SSC5D: variants seen among roughly 807,000 people sequenced by gnomAD.
The protein encoded by SSC5D is soluble scavenger receptor cysteine-rich domain-containing protein SSC5D.
SSC5D carries 106 observed loss-of-function variants against 104.6 expected under a neutral mutation model. That is an observed-to-expected ratio of 1.01 (90% CI 0.87 to 1.19). The LOEUF (loss-of-function observed/expected upper bound fraction) is 1.19, where lower values mean the gene tolerates loss of function less well. SSC5D is among the 50% of genes most tolerant of loss of function. The pLI is 0.00. For synonymous variants in SSC5D, 860 were observed against 883.5 expected, an observed-to-expected ratio of 0.97 and a Z score of 0.47; for missense variants, 1,993 against 2,153.8, an observed-to-expected ratio of 0.93 and a Z score of 1.48.
chr19:55,489,878 G>A lies in SSC5D; in HGVS notation c.362-4G>A, dbSNP rs566896214. 1.6e-5 allele frequency: 25 copies of A among 1,541,450 alleles called. No individual in the cohort carries two copies. The highest frequency in any genetic ancestry group is 5.0e-5 in the East Asian group (2 of 40,374). Reference sequence around the variant, plus strand: ...TAGCTTCTGTCCCTGCCCCCCCGCCGCAGGTCAGCGTGTGGCTAACTCCAG... The same window carrying A: ...TAGCTTCTGTCCCTGCCCCCCCGCCACAGGTCAGCGTGTGGCTAACTCCAG... On this transcript the variant is annotated splice_region_variant and splice_polypyrimidine_tract_variant and intron_variant, in intron 3 of 13. Transcript: ENST00000389623.
chr19:55,517,427 A>C lies in SSC5D; in HGVS notation c.3151A>C (p.Thr1051Pro), dbSNP rs561487899. Reference sequence around the variant, plus strand: ...TGACGCTCCGGACACTTCACCACCCACCCCAGACCCGGCCTCCCGGACGAA... The same window carrying C: ...TGACGCTCCGGACACTTCACCACCCCCCCCAGACCCGGCCTCCCGGACGAA... ...TSDAPDTSPP[T>P]PDPASRTNPD... is the part of the protein sequence containing the mutation. Residue 1051 changes from threonine to proline, a missense_variant, in exon 14 of 14, where the codon ACC becomes CCC. Transcript: ENST00000389623. 2.8e-5 allele frequency: 44 copies of C among 1,549,418 alleles called. No individual in the cohort carries two copies. The African/African-American group carries it at 5.5e-4, about 19-fold the overall frequency.
chr19:55,498,986 A>T (rs1299465105), intron 9 of SSC5D, among the ~76,000 whole-genome samples: 1 of 152,220 alleles, frequency 6.6e-6, no homozygotes, highest in African/African-American at 2.4e-5. Flanking sequence ...TGCAGACAGC[A>T]CTTCATTATC....
chr19:55,509,525 G>A (rs1987707151), intron 12 of SSC5D, among the ~76,000 whole-genome samples: 1 of 151,656 alleles, frequency 6.6e-6, no homozygotes, highest in African/African-American at 2.4e-5. Flanking sequence ...AGTACGTAGA[G>A]GTTCACAGAA....
At chr19:55,492,047 C>T (rs780722237) in intron 6 of SSC5D, 1 of 152,432 alleles carries the variant, frequency 6.6e-6, no homozygotes, top group Non-Finnish European at 1.5e-5. Context: ...GAGGCTGACC[C>T]TAGTCTCTGC....
rs779745902 is a variant in SSC5D, at chr19:55,490,856, A to C, written c.671A>C (p.Asp224Ala). ...WHGGRWGTVC[D>A]DGWDLRDAAV... Reference sequence around the variant, plus strand: ...GGCGGGCGCTGGGGCACCGTATGTGACGATGGCTGGGACCTGCGCGACGCT... The same window carrying C: ...GGCGGGCGCTGGGGCACCGTATGTGCCGATGGCTGGGACCTGCGCGACGCT... Residue 224 changes from aspartate (D) to alanine (A), a missense_variant, in exon 6 of 14, where the codon GAC becomes GCC. Coordinates refer to ENST00000389623, the MANE Select transcript of SSC5D (RefSeq NM_001144950.2). The C allele has an allele frequency of 3.2e-6, 5 of 1,547,222 alleles. No homozygotes were observed. In the South Asian group the frequency reaches 6.0e-5, roughly 18 times the overall value.
intron 1 of SSC5D, among the ~76,000 whole-genome samples, 192 bp from the exon 2 acceptor site, chr19:55,488,814 G>GC (rs1198695531): frequency 3.5e-4 from 1 of 2,832 alleles, no homozygotes; most frequent in African/African-American, 2.6e-3. Flanking sequence ...CCCCCTGCCC[G>GC]CCCCCCAGCC....
chr19:55,501,061 C>A lies in SSC5D; in HGVS notation c.2645C>A (p.Pro882His), dbSNP rs1309477947. ...TGYTDYDDYP[P>H]WTWDPTSRED... ...TACACAGACTATGACGATTATCCCC[C>A]CTGGACCTGGGACCCCACCTCAAGA... The change falls in exon 12 of 14, where the codon CCC becomes CAC. Residue 882 changes from proline (P) to histidine (H), a missense_variant. Coordinates refer to ENST00000389623, the MANE Select transcript of SSC5D (RefSeq NM_001144950.2). 1.9e-6 allele frequency: 3 copies of A among 1,551,782 alleles called. No homozygotes were observed. In the East Asian group the frequency reaches 7.3e-5, roughly 38 times the overall value.
chr19:55,500,639 G>A lies in SSC5D; in HGVS notation c.2452G>A (p.Val818Ile). ...VACWELGCGK[V>I]RPRVGKTHYG... is the part of the protein sequence containing the mutation. ...CTGCTGGGAACTGGGCTGTGGAAAGGTCCGGCCTCGAGTAGGCAAAACCCA... is the reference window on the plus strand; with the variant it reads ...CTGCTGGGAACTGGGCTGTGGAAAGATCCGGCCTCGAGTAGGCAAAACCCA... The change falls in exon 11 of 14, where the codon GTC becomes ATC. Residue 818 changes from valine to isoleucine, a missense_variant. Val to Ile is a conservative substitution (Grantham distance 29). This residue lies in a region of SSC5D where 70 missense variants were observed against 107.1 expected (regional missense o/e 0.65). Coordinates refer to ENST00000389623, the MANE Select transcript of SSC5D (RefSeq NM_001144950.2). This position sits in a 1 kb window ranked among gnomAD's most constrained non-coding sequence, Gnocchi z 4.6. The A allele has an allele frequency of 6.4e-7, 1 of 1,551,784 alleles. No homozygotes were observed. The highest frequency in any genetic ancestry group is 8.7e-7 in the Non-Finnish European group (1 of 1,147,018).
In SSC5D at chr19:55,501,187, G is replaced by A. The variant is rs575176406; in HGVS notation, c.2771G>A (p.Arg924His). The change falls in exon 12 of 14, where the codon CGC becomes CAC. Residue 924 changes from arginine to histidine, a missense_variant. Coordinates refer to ENST00000389623, the MANE Select transcript of SSC5D (RefSeq NM_001144950.2). ...RPGSSSPAIR[R>H]LPDTGSKDGY... ...GGTAGCTCCTCCCCAGCAATAAGGCGCCTGCCGGACACAGGTGAGAGGCCT... is the reference window on the plus strand; with the variant it reads ...GGTAGCTCCTCCCCAGCAATAAGGCACCTGCCGGACACAGGTGAGAGGCCT... 4.0e-5 allele frequency: 61 copies of A among 1,534,090 alleles called. No homozygotes were observed. Among genetic ancestry groups the A allele is most frequent in the East Asian group, 3.4e-4 (14 of 40,840 alleles).
At chr19:55,507,258 C>T (rs904576792) in intron 12 of SSC5D, among the ~76,000 whole-genome samples, 1 of 147,742 alleles carries the variant, frequency 6.8e-6, no homozygotes, top group Non-Finnish European at 1.5e-5. Context: ...GCAGAAGAAT[C>T]ACTTGGGCCC....
At position 55,513,048 on chromosome 19, in the gene SSC5D, C is replaced by A; in HGVS notation, c.2823C>A (p.Asp941Glu). 2 of 1,551,996 alleles carry A rather than the reference C, an allele frequency of 1.3e-6. No homozygotes were observed. The highest frequency in any genetic ancestry group is 1.2e-5 in the South Asian group (1 of 84,056). ...GTTACAAGCTTCCCTGGACGTGGGACACACCATCAGGAAGGGGCCTGGCTG... is the reference window on the plus strand; with the variant it reads ...GTTACAAGCTTCCCTGGACGTGGGAAACACCATCAGGAAGGGGCCTGGCTG... ...KDGYKLPWTW[D>E]TPSGRGLAEG... Residue 941 changes from aspartate to glutamate, a missense_variant, in exon 13 of 14, where the codon GAC (aspartate) becomes GAA (glutamate). Asp to Glu is a conservative substitution (Grantham distance 45, BLOSUM62 2). This residue lies in a region of SSC5D where 423 missense variants were observed against 409.2 expected (regional missense o/e 1.03). Coordinates refer to ENST00000389623, the MANE Select transcript of SSC5D (RefSeq NM_001144950.2).
intron 12 of SSC5D, among the ~76,000 whole-genome samples, chr19:55,507,184 A>G (rs1013294025): frequency 6.6e-6 from 1 of 151,016 alleles, no homozygotes; most frequent in Admixed American, 6.6e-5. Context: ...ATAAATAAAA[A>G]TAAAATAAAA....
In SSC5D at chr19:55,490,377, C is replaced by A; in HGVS notation, c.555C>A (p.Ala185=). The A allele has an allele frequency of 6.6e-7, 1 of 1,515,330 alleles. No individual in the cohort carries two copies. The highest frequency in any genetic ancestry group is 8.9e-7 in the Non-Finnish European group (1 of 1,120,212). The allele number at this position is 1,515,330 out of a possible 1,614,324, so 93.9% of individuals were successfully genotyped here. Reference sequence around the variant, plus strand: ...CCAAGCAGGCCAAGTCCACCCGGGCCCCTCTGCTGACGACAGGAGCCCCCC... The same window carrying A: ...CCAAGCAGGCCAAGTCCACCCGGGCACCTCTGCTGACGACAGGAGCCCCCC... The part of the protein sequence containing the change: ...PRPKQAKSTR[A]PLLTTGAPRQ... The change falls in exon 5 of 14, where the codon GCC becomes GCA. Residue 185 remains alanine (A), a synonymous_variant. Transcript: ENST00000389623.
At chr19:55,492,921 G>GGA (rs1987192181) in intron 6 of SSC5D, 1 of 152,154 alleles carries the variant, frequency 6.6e-6, no homozygotes, top group African/African-American at 2.4e-5. Flanking sequence ...CAGCTACTTG[G>GGA]GAGAGGCTGA....
intron 12 of SSC5D, chr19:55,504,438 CAATGTAACCT>C: frequency 6.3e-6 from 1 of 158,014 alleles, no homozygotes; most frequent in Non-Finnish European, 1.1e-5. Flanking sequence ...GCTTCAGGAG[CAATGTAACCT>C]TGAAAAAGTG....
intron 12 of SSC5D, among the ~76,000 whole-genome samples, chr19:55,506,326 A>G (rs145757828): frequency 1.3e-5 from 2 of 148,758 alleles, no homozygotes; most frequent in East Asian, 4.0e-4. Flanking sequence ...ATGACATTGT[A>G]AGTCTAAGAG....
At chr19:55,492,199 G>C (rs1336096463) in intron 6 of SSC5D, 2 of 152,398 alleles carry the variant, frequency 1.3e-5, no homozygotes, top group African/African-American at 4.8e-5. Context: ...CAAGACCCAG[G>C]TGCCTAGCAA....
At chr19:55,506,915 C>G (rs1047281726) in intron 12 of SSC5D, among the ~76,000 whole-genome samples, 2 of 151,854 alleles carry the variant, frequency 1.3e-5, no homozygotes, top group Non-Finnish European at 2.9e-5. Context: ...GTCTGTAATC[C>G]CAGCACTTAG....
At chr19:55,504,806 T>C (rs1987602215) in intron 12 of SSC5D, among the ~76,000 whole-genome samples, 2 of 152,106 alleles carry the variant, frequency 1.3e-5, no homozygotes, top group African/African-American at 4.8e-5. Flanking sequence ...CACCTGTTTC[T>C]TTCTCTGGAA....
Sources: gnomAD v4.1 joint callset for allele counts (sites outside exome capture counted in the v4.1 genomes callset) on GRCh38, gnomAD v4.1.1 for gene constraint, gnomAD v4.1.1 regional missense constraint, Gnocchi (gnomAD v3.1) non-coding constraint, MANE v1.5 for transcripts, NCBI Gene and HGNC (gene_info 2026-07-23, HGNC 2026-07-21) for gene names.